The following DCDC2 variants were observed in gnomAD, a reference collection of about 807,000 sequenced individuals.
The protein encoded by DCDC2 is doublecortin domain containing 2, also known as doublecortin domain-containing protein 2.
DCDC2 carries 40 observed loss-of-function variants against 50.2 expected under a neutral mutation model. The observed-to-expected ratio is 0.80, with a 90% CI of 0.62 to 1.04. The LOEUF is 1.04. DCDC2 is among the 50% of genes least tolerant of loss of function. DCDC2 has a pLI of 0.00. For missense variants in DCDC2, 570 were observed against 581.9 expected (o/e 0.98, Z 0.21); for synonymous variants, 234 against 210.6 (o/e 1.11, Z -0.96).
At chr6:24,302,568 C>G (rs1049494680) in intron 2 of DCDC2, among the ~76,000 whole-genome samples, 1 of 152,114 alleles carries the variant, frequency 6.6e-6, no homozygotes, top group East Asian at 1.9e-4. Flanking sequence ...TCCCCTATCC[C>G]CCATTGAATC....
chr6:24,263,786 G>A (rs2046934866), intron 7 of DCDC2, among the ~76,000 whole-genome samples: 1 of 152,114 alleles, frequency 6.6e-6, no homozygotes, highest in Non-Finnish European at 1.5e-5. Flanking sequence ...TTAAAGAAGA[G>A]GGAGAGAGAG....
rs559671468 is a variant in DCDC2, at chr6:24,187,314, G to A, written c.1024-8682C>T. On this transcript the variant is annotated intron_variant, in intron 8 of 9. Transcript: ENST00000378454. ...TGTGGAAGAAACTGAAAAGAGCCCT[G>A]GGCCACGGGCGGTGCCATCCTATTA... Among the ~76,000 whole-genome samples, 3 of 152,144 alleles carry A rather than the reference G, an allele frequency of 2.0e-5. No homozygotes were observed. The South Asian group carries it at 6.2e-4, about 32-fold the overall frequency.
chr6:24,322,800 T>A (rs750367976), intron 2 of DCDC2, among the ~76,000 whole-genome samples: 7 of 152,224 alleles, frequency 4.6e-5, no homozygotes, highest in Non-Finnish European at 8.8e-5. Context: ...TCTTTAAATG[T>A]ATTTGATTGA....
At chr6:24,268,570 G>A (rs1763175982) in intron 7 of DCDC2, among the ~76,000 whole-genome samples, 1 of 152,114 alleles carries the variant, frequency 6.6e-6, no homozygotes, top group Admixed American at 6.6e-5. Flanking sequence ...AAACGCCCTG[G>A]GTAAGAGCCT....
chr6:24,376,856 T>C, the DCDC2 span, among the ~76,000 whole-genome samples: 1 of 150,924 alleles, frequency 6.6e-6, no homozygotes, highest in Non-Finnish European at 1.5e-5. Flanking sequence ...TTAGAGAGTT[T>C]TACCCAGAAA....
At chr6:24,325,114 A>G (rs1174906964) in intron 2 of DCDC2, among the ~76,000 whole-genome samples, 1 of 152,128 alleles carries the variant, frequency 6.6e-6, no homozygotes, top group Non-Finnish European at 1.5e-5. Flanking sequence ...CTCTCCTCTT[A>G]GAATAATCCA....
Position 24,326,213 on chromosome 6 carries a change from T to A in DCDC2, c.349-24169A>T, listed in dbSNP as rs1408446793. Among the ~76,000 whole-genome samples, 10 of 139,094 alleles carry A rather than the reference T, an allele frequency of 7.2e-5. 1 individual carries two copies. The South Asian group carries it at 2.3e-3, about 32-fold the overall frequency. 91.3% of individuals were successfully genotyped at this position (139,094 alleles called of 152,430 possible). A position where few individuals can be genotyped will look rare whatever the true frequency, so the allele number is the denominator to read the frequency against. ...AGGAAGAAAGGAAGGAAGGAAAGAA[T>A]GAAGGAAGGAAGGAAGGAAGGGAGG... On this transcript the variant is annotated intron_variant, in intron 2 of 9. Coordinates refer to ENST00000378454, the MANE Select transcript of DCDC2 (RefSeq NM_016356.5).
intron 8 of DCDC2, among the ~76,000 whole-genome samples, chr6:24,186,554 C>A (rs1333728353): frequency 2.0e-5 from 3 of 152,160 alleles, no homozygotes; most frequent in Non-Finnish European, 4.4e-5. Context: ...AAACTGGTCG[C>A]CATGGTAACA....
At chr6:24,188,706 T>C (rs896084114) in intron 8 of DCDC2, among the ~76,000 whole-genome samples, 1 of 152,174 alleles carries the variant, frequency 6.6e-6, no homozygotes, top group African/African-American at 2.4e-5. Flanking sequence ...GACTAGCTCA[T>C]GCCTATGAGT....
chr6:24,276,341 G>C (rs1763356796), intron 7 of DCDC2, among the ~76,000 whole-genome samples: 1 of 151,456 alleles, frequency 6.6e-6, no homozygotes, highest in Non-Finnish European at 1.5e-5. Flanking sequence ...CTGGAAGTAA[G>C]GATTGGGATT....
chr6:24,205,368 T>C, intron 7 of DCDC2: 3 of 1,466,694 alleles, frequency 2.0e-6, no homozygotes. Context: ...TGGCTACTGA[T>C]TTACTAACAT....
chr6:24,269,550 G>A (rs994694295), intron 7 of DCDC2, among the ~76,000 whole-genome samples: 2 of 152,090 alleles, frequency 1.3e-5, no homozygotes, highest in African/African-American at 4.8e-5. Context: ...ATTAGCAAGG[G>A]GTGGAGTACA....
intron 7 of DCDC2, among the ~76,000 whole-genome samples, chr6:24,247,321 A>G (rs565494888): frequency 1.1e-4 from 17 of 150,294 alleles, no homozygotes; most frequent in African/African-American, 4.2e-4. Context: ...ATATATATAC[A>G]TATTTAACTA....
intron 7 of DCDC2, among the ~76,000 whole-genome samples, chr6:24,249,837 T>G (rs1762761638): frequency 1.3e-5 from 2 of 152,228 alleles, no homozygotes; most frequent in African/African-American, 4.8e-5. Flanking sequence ...ATAGCCATAT[T>G]GAAGAAGCAA....
intron 2 of DCDC2, 74 bp downstream of exon 2, chr6:24,353,495 A>T (rs981337993): frequency 1.1e-6 from 1 of 933,004 alleles, no homozygotes; most frequent in Non-Finnish European, 1.7e-6. Context: ...ATGCCGTCCA[A>T]ATCTCTAAGA....
chr6:24,301,497 A>G (rs1478340718), intron 4 of DCDC2, among the ~76,000 whole-genome samples: 1 of 151,930 alleles, frequency 6.6e-6, no homozygotes, highest in East Asian at 1.9e-4. Flanking sequence ...TAGATGTGCT[A>G]CTATGTGCCA....
At chr6:24,329,551 G>A (rs1345589227) in intron 2 of DCDC2, among the ~76,000 whole-genome samples, 1 of 152,126 alleles carries the variant, frequency 6.6e-6, no homozygotes, top group East Asian at 1.9e-4. Flanking sequence ...ATGCAGACAG[G>A]CAACTTGGGC....
rs1027592016 is a variant in DCDC2 at position 24,252,202 on chromosome 6, A to C, written c.922+25847T>G. 2.0e-5 allele frequency among the ~76,000 whole-genome samples: 3 copies of C among 152,336 alleles called. No homozygotes were observed. In the East Asian group the frequency reaches 5.8e-4, roughly 29 times the overall value. The stretch of plus-strand genomic sequence containing the variant: ...GTTCCCTACAAAGCCATTCCAGCCC[A>C]TAGTGACTGTCCCTTCTTCTACCCT... On this transcript the variant is annotated intron_variant, in intron 7 of 9. Coordinates refer to ENST00000378454, the MANE Select transcript of DCDC2 (RefSeq NM_016356.5).
chr6:24,190,363 G>A (rs1383541770), intron 8 of DCDC2, among the ~76,000 whole-genome samples: 4 of 152,100 alleles, frequency 2.6e-5, no homozygotes, highest in Non-Finnish European at 4.4e-5. Flanking sequence ...TGCGATGTTT[G>A]GTTTTTCGTC....
Sources: allele counts gnomAD v4.1 joint callset (sites outside exome capture counted in the v4.1 genomes callset), GRCh38; gene constraint gnomAD v4.1.1; transcripts MANE v1.5; gene names NCBI Gene and HGNC (gene_info 2026-07-23, HGNC 2026-07-21).